Variants in ELP2 observed in about 807,000 individuals in gnomAD.
The protein encoded by ELP2 is elongator acetyltransferase complex subunit 2.
A neutral mutation model predicts 119.2 loss-of-function variants in ELP2; 90 were observed. The ratio of observed to expected loss-of-function variants is 0.75; its 90% CI spans 0.64 to 0.90. ELP2 has a LOEUF of 0.90. Ranked by LOEUF, ELP2 falls within the 40% of genes least tolerant of loss-of-function variation. The probability of loss-of-function intolerance (pLI) is 0.00; values close to 1 mark genes in which losing one functional copy is unlikely to be tolerated. For missense variants in ELP2, 921 were observed against 967.8 expected (o/e 0.95, Z 0.64); for synonymous variants, 339 against 331.0 (o/e 1.02, Z -0.26).
chr18:36,147,970 AC>A (rs2090264312), intron 11 of ELP2, among the ~76,000 whole-genome samples: 1 of 151,780 alleles, frequency 6.6e-6, no homozygotes, highest in Non-Finnish European at 1.5e-5. Context: ...CCCTCCAGGA[AC>A]CTCCATGTGC....
rs1230287927 is a variant in ELP2, at chr18:36,174,466, TTCTC to T, written c.2325-17_2325-14del. The T allele has an allele frequency of 6.2e-7, 1 of 1,611,546 alleles. No homozygotes were observed. The highest frequency in any genetic ancestry group is 8.5e-7 in the Non-Finnish European group (1 of 1,178,328). On this transcript the variant is annotated splice_polypyrimidine_tract_variant and intron_variant, in intron 21 of 21. Transcript: ENST00000358232. The stretch of plus-strand genomic sequence containing the variant: ...ATTAATTGGAAAAACATTTCATGAT[TTCTC>T]TATCTTTGTTTTAGCCAAAGTCATA...
chr18:36,158,544 T>C lies in ELP2; in HGVS notation c.1465-291T>C, dbSNP rs539885128. 1.2e-4 allele frequency: 37 copies of C among 301,632 alleles called. No individual in the cohort carries two copies. In the East Asian group the frequency reaches 2.4e-3, roughly 19 times the overall value. 18.7% of individuals were successfully genotyped at this position (301,632 alleles called of 1,614,324 possible). On this transcript the variant is annotated intron_variant, in intron 13 of 21. Transcript: ENST00000358232. ...GACCCTGAAACCCATTGAAATGTTATGGTTCGATGAGGTCCCTTTATGGAT... is the reference window on the plus strand; with the variant it reads ...GACCCTGAAACCCATTGAAATGTTACGGTTCGATGAGGTCCCTTTATGGAT...
intron 2 of ELP2, 144 bp downstream of exon 2, chr18:36,133,460 C>T (rs1180141290): frequency 4.3e-6 from 3 of 705,388 alleles, no homozygotes; most frequent in Admixed American, 4.1e-5. Flanking sequence ...ATGGTATTCC[C>T]AGTGAAATAT....
rs555774819 is a variant in ELP2, at chr18:36,132,990, C to T, written c.139-248C>T. The stretch of plus-strand genomic sequence containing the variant: ...GCAGAAGCAGGTGGGTGGATGCAGA[C>T]GCGAGAGCTCAGTGTAATGGGAGGA... On this transcript the variant is annotated intron_variant, in intron 1 of 21. Transcript: ENST00000358232. 5.3e-5 allele frequency among the ~76,000 whole-genome samples: 8 copies of T among 152,008 alleles called. No individual in the cohort carries two copies. In the East Asian group the frequency reaches 5.8e-4, roughly 11 times the overall value.
intron 18 of ELP2, among the ~76,000 whole-genome samples, chr18:36,166,478 C>T (rs1257589761): frequency 6.6e-6 from 1 of 151,506 alleles, no homozygotes; most frequent in Non-Finnish European, 1.5e-5. Flanking sequence ...TTAAAGGCAC[C>T]TGCTACCACA....
intron 2 of ELP2, among the ~76,000 whole-genome samples, chr18:36,133,769 T>C (rs1361054086): frequency 2.0e-5 from 3 of 151,368 alleles, no homozygotes; most frequent in African/African-American, 7.3e-5. Context: ...GAGACTAGAA[T>C]GTTTATTTTT....
At chr18:36,137,833 A>G (rs575122067) in intron 3 of ELP2, among the ~76,000 whole-genome samples, 154 of 151,138 alleles carry the variant, frequency 1.0e-3, no homozygotes, top group African/African-American at 3.5e-3. Flanking sequence ...AAAAATTAAC[A>G]TCACGGTGAA....
intron 21 of ELP2, 62 bp downstream of exon 21, chr18:36,171,222 A>G: frequency 8.9e-7 from 1 of 1,127,582 alleles, no homozygotes; most frequent in Non-Finnish European, 1.3e-6. Context: ...CTTTCATGGC[A>G]AATTTTATGC....
chr18:36,160,067 CT>C, intron 16 of ELP2, 52 bp downstream of exon 16: 2 of 1,557,126 alleles, frequency 1.3e-6, no homozygotes, highest in Non-Finnish European at 1.8e-6. Flanking sequence ...TAACTTCTGA[CT>C]TTTCCTCCCC....
rs948803626 is a variant in ELP2, at chr18:36,138,294, G to A, written c.313G>A (p.Gly105Ser). 2.5e-6 allele frequency: 4 copies of A among 1,613,932 alleles called. No homozygotes were observed. The highest frequency in any genetic ancestry group is 3.4e-6 in the Non-Finnish European group (4 of 1,179,992). ...GCTTTTAAAAGCAGTGCATCTTCAA[G>A]GCCATGAAGGACCTGTTTATGCGGT... ...NQLLKAVHLQ[G>S]HEGPVYAVHA... The change falls in exon 4 of 22, where the codon GGC (glycine) becomes AGC (serine). Residue 105 changes from glycine to serine, a missense_variant. Coordinates refer to ENST00000358232, the MANE Select transcript of ELP2 (RefSeq NM_018255.4).
At position 36,142,946 on chromosome 18, in the gene ELP2, C is replaced by T. The variant is rs749740767; in HGVS notation, c.776C>T (p.Thr259Ile). Residue 259 changes from threonine to isoleucine, a missense_variant, in exon 8 of 22, where the codon ACT (threonine) becomes ATT (isoleucine). Transcript: ENST00000358232. ...DDDNIRLKEN[T>I]FTIENESVKI... ...GATAACATAAGACTGAAAGAAAATA[C>T]TTTTACCATAGAAAATGAAAGTGAG... is the stretch of plus-strand genomic sequence containing the variant. 3 of 1,586,730 alleles carry T rather than the reference C, an allele frequency of 1.9e-6. No homozygotes were observed. In the East Asian group the frequency reaches 6.7e-5, roughly 36 times the overall value.
intron 1 of ELP2, among the ~76,000 whole-genome samples, chr18:36,131,115 A>C (rs1344349980): frequency 2.6e-5 from 4 of 152,170 alleles, no homozygotes; most frequent in African/African-American, 9.7e-5. Context: ...TTGAGGCTGC[A>C]GTGGACGGGG....
At chr18:36,174,211 T>A (rs553626247) in intron 21 of ELP2, among the ~76,000 whole-genome samples, 2 of 152,358 alleles carry the variant, frequency 1.3e-5, no homozygotes, top group Admixed American at 1.3e-4. Context: ...AAAAAAATTT[T>A]ATTTTTTGTT....
intron 4 of ELP2, 172 bp downstream of exon 4, chr18:36,138,598 T>C: frequency 1.1e-6 from 1 of 904,622 alleles, no homozygotes; most frequent in Non-Finnish European, 1.7e-6. Context: ...TACCAAGACT[T>C]TTTCATGTAA....
intron 3 of ELP2, among the ~76,000 whole-genome samples, chr18:36,137,648 A>G (rs1345104194): frequency 6.6e-6 from 1 of 152,146 alleles, no homozygotes; most frequent in Non-Finnish European, 1.5e-5. Flanking sequence ...AGATTTGATA[A>G]GCCAATGGGA....
At chr18:36,153,014 T>C (rs2144700951) in intron 11 of ELP2, among the ~76,000 whole-genome samples, 1 of 152,334 alleles carries the variant, frequency 6.6e-6, no homozygotes, top group South Asian at 2.1e-4. Context: ...TGCATAATTC[T>C]CTGCTTTGTG....
At chr18:36,138,600 T>C (rs1393754041) in intron 4 of ELP2, 174 bp downstream of exon 4, 1 of 887,818 alleles carries the variant, frequency 1.1e-6, no homozygotes, top group African/African-American at 1.7e-5. Context: ...CCAAGACTTT[T>C]TCATGTAAGT....
chr18:36,149,535 G>C (rs1389715712), intron 11 of ELP2, among the ~76,000 whole-genome samples: 1 of 100,008 alleles, frequency 1.0e-5, no homozygotes, highest in Non-Finnish European at 1.8e-5. Flanking sequence ...TCCAGTACTT[G>C]TTGTTGCAGG....
At position 36,180,557 on chromosome 18, in the gene ELP2, A is replaced by T. The variant is rs190678219; in HGVS notation, c.*5916A>T. The T allele has an allele frequency of 6.6e-6, 1 of 152,234 alleles. No homozygotes were observed. The highest frequency in any genetic ancestry group is 1.5e-5 in the Non-Finnish European group (1 of 68,044). 9.4% of individuals were successfully genotyped at this position (152,234 alleles called of 1,614,324 possible). ...ATAAAGCTCTGCTCGTGTCAACTCC[A>T]TAGAGCCTTTGGTAAACCCCTCAAG... On this transcript the variant is annotated 3_prime_UTR_variant, in exon 22 of 22. Coordinates refer to ENST00000358232, the MANE Select transcript of ELP2 (RefSeq NM_018255.4).
Sources: gnomAD v4.1 joint callset for allele counts (sites outside exome capture counted in the v4.1 genomes callset) on GRCh38, gnomAD v4.1.1 for gene constraint, MANE v1.5 for transcripts, NCBI Gene and HGNC (gene_info 2026-07-23, HGNC 2026-07-21) for gene names.